CXCR5: variants seen among roughly 807,000 people sequenced by gnomAD.
The protein encoded by CXCR5 is C-X-C chemokine receptor type 5.
Under a neutral mutation model 5.6 loss-of-function variants are expected in CXCR5, and 3 were observed. The observed-to-expected ratio is 0.54, with a 90% CI of 0.24 to 1.39. CXCR5 has a LOEUF of 1.39. Among genes scored for constraint, CXCR5 ranks in the 40% most tolerant of loss-of-function variants. The pLI is 0.16. For missense variants in CXCR5, 333 were observed against 494.6 expected (o/e 0.67, Z 3.10); for synonymous variants, 218 against 219.9 (o/e 0.99, Z 0.08).
At chr11:118,884,157 C>T in intron 1 of CXCR5, among the ~76,000 whole-genome samples, 165 bp downstream of exon 1, 1 of 152,152 alleles carries the variant, frequency 6.6e-6, no homozygotes, top group East Asian at 1.9e-4. Context: ...GTTTATTTTC[C>T]ATTCTGTGGA....
chr11:118,890,923 T>C (rs1939798567), intron 1 of CXCR5, among the ~76,000 whole-genome samples: 3 of 152,164 alleles, frequency 2.0e-5, no homozygotes, highest in Non-Finnish European at 4.4e-5. Context: ...AGCTGGGCAC[T>C]GTTGTCACAT....
At chr11:118,887,554 G>C in intron 1 of CXCR5, 45 of 462,554 alleles carry the variant, frequency 9.7e-5, no homozygotes, top group Non-Finnish European at 1.2e-4. Flanking sequence ...TGAAAGAGGA[G>C]TCTCACAGAC....
Position 118,897,473 on chromosome 11 carries a change from C to A in CXCR5, c.*2810C>A, listed in dbSNP as rs189845413. ...ACCGGTGTGGGCAAACACACATGCA[C>A]GTGCACACATGTTCTCCCTGAATCA... is the stretch of plus-strand genomic sequence containing the variant. On this transcript the variant is annotated 3_prime_UTR_variant, in exon 2 of 2. Coordinates refer to ENST00000292174, the MANE Select transcript of CXCR5 (RefSeq NM_001716.5). 2.8e-4 allele frequency: 85 copies of A among 300,254 alleles called. 3 individuals are homozygous for A. The East Asian group carries it at 7.7e-3, about 27-fold the overall frequency. 18.6% of individuals were successfully genotyped at this position (300,254 alleles called of 1,614,324 possible). A position where few individuals can be genotyped will look rare whatever the true frequency, so the allele number is the denominator to read the frequency against.
At chr11:118,885,623 G>A (rs1939699229) in intron 1 of CXCR5, among the ~76,000 whole-genome samples, 1 of 152,188 alleles carries the variant, frequency 6.6e-6, no homozygotes, top group Non-Finnish European at 1.5e-5. Context: ...GACCCAGTTG[G>A]ACATCTTAGT....
In CXCR5 at chr11:118,896,294, T is replaced by A. The variant is rs559739639; in HGVS notation, c.*1631T>A. 14 of 161,460 alleles carry A rather than the reference T, an allele frequency of 8.7e-5. No individual in the cohort carries two copies. In the South Asian group the frequency reaches 2.9e-3, roughly 34 times the overall value. 10.0% of individuals were successfully genotyped at this position (161,460 alleles called of 1,614,324 possible). A position where few individuals can be genotyped will look rare whatever the true frequency, so the allele number is the denominator to read the frequency against. ...GTATTTATATATTTATATTTATATATATATTTATATAATGGTACAAAATGG... is the reference window on the plus strand; with the variant it reads ...GTATTTATATATTTATATTTATATAAATATTTATATAATGGTACAAAATGG... On this transcript the variant is annotated 3_prime_UTR_variant, in exon 2 of 2. Coordinates refer to ENST00000292174, the MANE Select transcript of CXCR5 (RefSeq NM_001716.5).
Position 118,892,667 on chromosome 11 carries a change from T to TGG in CXCR5, c.52-920_52-919dup, listed in dbSNP as rs72112893. Among the ~76,000 whole-genome samples the TGG allele has an allele frequency of 5.6e-3, 244 of 43,496 alleles. 1 individual carries two copies. The highest frequency in any genetic ancestry group is 0.017 in the African/African-American group (208 of 12,352). 28.5% of individuals were successfully genotyped at this position (43,496 alleles called of 152,430 possible). ...GTAAACAACCTGAGTGCTGGGGTGA[T>TGG]GGGGGGGGGGTGATGGGGAGAGGAA... On this transcript the variant is annotated intron_variant, in intron 1 of 1. Transcript: ENST00000292174.
At chr11:118,886,401 T>C (rs748601221) in intron 1 of CXCR5, 4 of 432,754 alleles carry the variant, frequency 9.2e-6, no homozygotes, top group African/African-American at 2.1e-5. Flanking sequence ...AGGTTCGTCA[T>C]TCTGTATTCC....
At position 118,894,440 on chromosome 11, in the gene CXCR5, C is replaced by G; in HGVS notation, c.896C>G (p.Ser299Cys). 1.2e-6 allele frequency: 2 copies of G among 1,614,090 alleles called. No homozygotes were observed. Among genetic ancestry groups the G allele is most frequent in the South Asian group, 1.1e-5 (1 of 91,078 alleles). Residue 299 changes from serine to cysteine, a missense_variant, in exon 2 of 2, where the codon TCT becomes TGT. Ser to Cys is a moderately radical substitution (Grantham distance 112, BLOSUM62 -1). Coordinates refer to ENST00000292174, the MANE Select transcript of CXCR5 (RefSeq NM_001716.5). This position sits in a 1 kb window ranked among gnomAD's most constrained non-coding sequence, Gnocchi z 6.1. ...AVDNTCKLNG[S>C]LPVAITMCEF... ...GACAATACCTGCAAGCTGAATGGCT[C>G]TCTCCCCGTGGCCATCACCATGTGT...
rs141372730 is a variant in CXCR5 at position 118,884,586 on chromosome 11, A to G, written c.51+594A>G. The stretch of plus-strand genomic sequence containing the variant: ...CTAAACTGAGGGAATGTGAGACCAG[A>G]TGGTAGCAAGGAAGAGGATCCCAGC... On this transcript the variant is annotated intron_variant, in intron 1 of 1. Coordinates refer to ENST00000292174, the MANE Select transcript of CXCR5 (RefSeq NM_001716.5). 4.6e-5 allele frequency among the ~76,000 whole-genome samples: 7 copies of G among 152,336 alleles called. No individual in the cohort carries two copies. The East Asian group carries it at 1.3e-3, about 29-fold the overall frequency.
Position 118,893,446 on chromosome 11 carries a change from C to A in CXCR5, c.52-150C>A. 7.1e-7 allele frequency: 1 copy of A among 1,414,534 alleles called. No individual in the cohort carries two copies. Among genetic ancestry groups the A allele is most frequent in the South Asian group, 1.7e-5 (1 of 58,592 alleles). The allele number at this position is 1,414,534 out of a possible 1,614,324, so 87.6% of individuals were successfully genotyped here. ...GGCGAAAAACTGAAGTTGGAAAAGA[C>A]AAAGTGATTTGTTCAAAATTGAAAT... is the stretch of plus-strand genomic sequence containing the variant. On this transcript the variant is annotated intron_variant, in intron 1 of 1. Transcript: ENST00000292174. The surrounding 1 kb of genome is among the most constrained non-coding windows in gnomAD (Gnocchi z 5.7).
chr11:118,888,754 T>C (rs963370892), intron 1 of CXCR5, among the ~76,000 whole-genome samples: 3 of 152,210 alleles, frequency 2.0e-5, no homozygotes, highest in Non-Finnish European at 4.4e-5. Flanking sequence ...TTCATCTGGT[T>C]AGGTTGGACC....
In CXCR5 at chr11:118,891,521, T is replaced by C. The variant is rs546976939; in HGVS notation, c.52-2075T>C. Among the ~76,000 whole-genome samples, 6 of 152,168 alleles carry C rather than the reference T, an allele frequency of 3.9e-5. No individual in the cohort carries two copies. The South Asian group carries it at 1.2e-3, about 32-fold the overall frequency. On this transcript the variant is annotated intron_variant, in intron 1 of 1. Transcript: ENST00000292174. ...TGCCCAGACTCCAATCAATCTTCTA[T>C]TGATGAACATGATCACAAATATGAC...
intron 1 of CXCR5, chr11:118,886,347 GAAAA>G (rs5795149): frequency 2.7e-4 from 109 of 405,568 alleles, no homozygotes; most frequent in Admixed American, 5.3e-4. Context: ...AAACTTGCCA[GAAAA>G]AAAAAAAAAA....
intron 1 of CXCR5, among the ~76,000 whole-genome samples, chr11:118,891,058 T>C (rs1939800349): frequency 6.6e-6 from 1 of 152,086 alleles, no homozygotes; most frequent in Non-Finnish European, 1.5e-5. Context: ...CTGGGCAACA[T>C]AGCAAGACAC....
chr11:118,887,288 C>T, intron 1 of CXCR5: 3 of 985,410 alleles, frequency 3.0e-6, no homozygotes, highest in Non-Finnish European at 3.6e-6. Context: ...AGCATTCTTT[C>T]AAGAGTGGTG....
chr11:118,888,192 T>G (rs1017967110), intron 1 of CXCR5, among the ~76,000 whole-genome samples: 1 of 152,152 alleles, frequency 6.6e-6, no homozygotes, highest in African/African-American at 2.4e-5. Flanking sequence ...TCCCACACAC[T>G]TGGGCTCAAA....
At position 118,894,200 on chromosome 11, in the gene CXCR5, G is replaced by A. The variant is rs966707486; in HGVS notation, c.656G>A (p.Arg219Gln). 5 of 1,614,030 alleles carry A rather than the reference G, an allele frequency of 3.1e-6. No homozygotes were observed. The highest frequency in any genetic ancestry group is 4.2e-6 in the Non-Finnish European group (5 of 1,180,024). ...GAAACGCATGCCTGGTTCACCTCCC[G>A]ATTCCTCTACCATGTGGCGGGATTC... ...QAETHAWFTS[R>Q]FLYHVAGFLL... is the part of the protein sequence containing the mutation. Residue 219 changes from arginine to glutamine, a missense_variant, in exon 2 of 2, where the codon CGA (arginine) becomes CAA (glutamine). Coordinates refer to ENST00000292174, the MANE Select transcript of CXCR5 (RefSeq NM_001716.5). The surrounding 1 kb of genome is among the most constrained non-coding windows in gnomAD (Gnocchi z 6.1).
intron 1 of CXCR5, chr11:118,886,958 T>G (rs1939723067): frequency 6.5e-6 from 1 of 152,760 alleles, no homozygotes; most frequent in Non-Finnish European, 1.5e-5. Flanking sequence ...CAGCTCAGGC[T>G]GTTTCTGGGC....
At chr11:118,887,587 C>T (rs562621572) in intron 1 of CXCR5, 2 of 275,498 alleles carry the variant, frequency 7.3e-6, no homozygotes, top group Non-Finnish European at 1.1e-5. Flanking sequence ...GCTGTGGGTG[C>T]GGCAAGGGAG....
Sources: gnomAD v4.1 joint callset for allele counts (sites outside exome capture counted in the v4.1 genomes callset) on GRCh38, gnomAD v4.1.1 for gene constraint, Gnocchi (gnomAD v3.1) non-coding constraint, MANE v1.5 for transcripts, NCBI Gene and HGNC (gene_info 2026-07-23, HGNC 2026-07-21) for gene names.